MINDY3: variants seen among roughly 807,000 people sequenced by gnomAD.
MINDY3 encodes the protein ubiquitin carboxyl-terminal hydrolase MINDY-3.
A neutral mutation model predicts 69.2 loss-of-function variants in MINDY3; 38 were observed. The observed-to-expected ratio is 0.55, with a 90% confidence interval of 0.42 to 0.72. The LOEUF (loss-of-function observed/expected upper bound fraction) is 0.72, where lower values mean the gene tolerates loss of function less well. Ranked by LOEUF, MINDY3 falls within the 30% of genes least tolerant of loss-of-function variation. The pLI is 0.00. For missense variants in MINDY3, 522 were observed against 519.0 expected, an observed-to-expected ratio of 1.01 and a Z score of -0.06; for synonymous variants, 192 against 180.1, an observed-to-expected ratio of 1.07 and a Z score of -0.53.
At chr10:15,807,630 C>G (rs1838726950) in intron 10 of MINDY3, among the ~76,000 whole-genome samples, 1 of 151,986 alleles carries the variant, frequency 6.6e-6, no homozygotes, top group African/African-American at 2.4e-5. Flanking sequence ...TTAATTAAAA[C>G]TCATAGGCTT....
chr10:15,813,334 A>G (rs1367490017), intron 10 of MINDY3, among the ~76,000 whole-genome samples: 2 of 152,022 alleles, frequency 1.3e-5, no homozygotes, highest in African/African-American at 4.8e-5. Flanking sequence ...TCAGGCATGA[A>G]TTTGCTCTAT....
At chr10:15,844,914 T>G (rs753142442) in intron 2 of MINDY3, among the ~76,000 whole-genome samples, 8 of 152,192 alleles carry the variant, frequency 5.3e-5, no homozygotes, top group Non-Finnish European at 8.8e-5. Context: ...TCCTGATTAT[T>G]TGGCTGTAAA....
chr10:15,851,773 A>G (rs767274503), intron 1 of MINDY3, among the ~76,000 whole-genome samples: 2 of 152,146 alleles, frequency 1.3e-5, no homozygotes, highest in Non-Finnish European at 2.9e-5. Flanking sequence ...AGAAATGGAA[A>G]TCAGATTTTG....
intron 11 of MINDY3, among the ~76,000 whole-genome samples, chr10:15,792,272 T>C (rs1837477115): frequency 6.6e-6 from 1 of 152,026 alleles, no homozygotes. Context: ...GGGCAATGAG[T>C]TCTGGAGGGC....
chr10:15,816,990 T>G (rs1000987530), intron 9 of MINDY3, 75 bp from the exon 10 acceptor site: 1 of 1,107,546 alleles, frequency 9.0e-7, no homozygotes, highest in African/African-American at 1.6e-5. Flanking sequence ...CCCATAAATA[T>G]CTGAAGCATA....
chr10:15,854,416 G>C (rs759151670), intron 1 of MINDY3, among the ~76,000 whole-genome samples: 2 of 152,034 alleles, frequency 1.3e-5, no homozygotes, highest in African/African-American at 4.8e-5. Context: ...ACATTAAAGA[G>C]ATTAGCAAAA....
rs145311817 is a variant in MINDY3, at chr10:15,860,247, C to T, written c.53G>A (p.Ser18Asn). The change falls in exon 1 of 15, where the codon AGC becomes AAC. Residue 18 changes from serine to asparagine, a missense_variant. By Grantham distance (46) the Ser-to-Asn change is conservative. Transcript: ENST00000277632. ...GAAAATGGTGTCCGAGAGACCGGGG[C>T]TGCTCTTGGTGCCCCACACCAGCTC... is the stretch of plus-strand genomic sequence containing the variant. ...LMELVWGTKS[S>N]PGLSDTIFCR... is the part of the protein sequence containing the mutation. 3.7e-5 allele frequency: 60 copies of T among 1,610,976 alleles called. No individual in the cohort carries two copies. In the African/African-American group the frequency reaches 6.8e-4, roughly 18 times the overall value.
At chr10:15,851,775 C>T (rs1338181913) in intron 1 of MINDY3, among the ~76,000 whole-genome samples, 1 of 152,104 alleles carries the variant, frequency 6.6e-6, no homozygotes, top group Admixed American at 6.5e-5. Context: ...AAATGGAAAT[C>T]AGATTTTGAC....
In MINDY3 at chr10:15,833,616, A is replaced by G; in HGVS notation, c.730+14T>C. ...ATTCATCAAAGAGAGCAACATAACA[A>G]GGAATATACTTACTCATTCCTGAGC... is the stretch of plus-strand genomic sequence containing the variant. On this transcript the variant is annotated intron_variant, in intron 8 of 14. Transcript: ENST00000277632. 1 of 1,496,388 alleles carries G rather than the reference A, an allele frequency of 6.7e-7. No individual in the cohort carries two copies. The highest frequency in any genetic ancestry group is 1.1e-5 in the South Asian group (1 of 87,036). 92.7% of individuals were successfully genotyped at this position (1,496,388 alleles called of 1,614,324 possible). A position where few individuals can be genotyped will look rare whatever the true frequency, so the allele number is the denominator to read the frequency against.
chr10:15,809,140 C>T (rs1838830000), intron 10 of MINDY3, among the ~76,000 whole-genome samples: 1 of 151,986 alleles, frequency 6.6e-6, no homozygotes, highest in Admixed American at 6.6e-5. Context: ...ATTCTTAAAA[C>T]CCAAGTATAA....
rs532673718 is a variant in MINDY3, at chr10:15,857,996, C to T, written c.94+2210G>A. 10 of 943,916 alleles carry T rather than the reference C, an allele frequency of 1.1e-5. No homozygotes were observed. In the African/African-American group the frequency reaches 1.8e-4, roughly 17 times the overall value. The allele number at this position is 943,916 out of a possible 1,614,324, so 58.5% of individuals were successfully genotyped here. A position where few individuals can be genotyped will look rare whatever the true frequency, so the allele number is the denominator to read the frequency against. On this transcript the variant is annotated intron_variant, in intron 1 of 14. Transcript: ENST00000277632. ...TGAAATAAAGCCAGAGTTGATGTCA[C>T]ATTAGTAATGCAGCAAAGCAGTGTC...
chr10:15,782,099 C>A, intron 14 of MINDY3, 56 bp downstream of exon 14: 1 of 1,237,436 alleles, frequency 8.1e-7, no homozygotes, highest in South Asian at 1.2e-5. Context: ...GTTACATACT[C>A]ACATAATTAT....
intron 8 of MINDY3, among the ~76,000 whole-genome samples, chr10:15,832,457 TC>T (rs1019624889): frequency 4.6e-5 from 7 of 152,028 alleles, no homozygotes; most frequent in Admixed American, 4.6e-4. Flanking sequence ...ATTTTTTTTT[TC>T]ATTGACAGGA....
At chr10:15,816,439 A>T (rs1219421766) in intron 10 of MINDY3, among the ~76,000 whole-genome samples, 1 of 151,982 alleles carries the variant, frequency 6.6e-6, no homozygotes, top group African/African-American at 2.4e-5. Context: ...AGATTTTAAA[A>T]TTTTTTCAAA....
At chr10:15,821,602 C>T in intron 9 of MINDY3, 54 bp downstream of exon 9, 1 of 1,360,144 alleles carries the variant, frequency 7.4e-7, no homozygotes, top group Non-Finnish European at 1.0e-6. Context: ...ACAGTATCCA[C>T]AATAGTGGAC....
intron 10 of MINDY3, among the ~76,000 whole-genome samples, chr10:15,802,809 AT>A (rs1335304414): frequency 4.1e-4 from 62 of 152,186 alleles, no homozygotes; most frequent in African/African-American, 1.4e-3. Flanking sequence ...GTCTTGAACA[AT>A]AAAAAAAAAA....
intron 7 of MINDY3, 76 bp downstream of exon 7, chr10:15,834,467 C>T: frequency 1.0e-6 from 1 of 987,916 alleles, no homozygotes; most frequent in Non-Finnish European, 1.6e-6. Flanking sequence ...TTACTTGACT[C>T]AGTCATGTTT....
intron 13 of MINDY3, among the ~76,000 whole-genome samples, chr10:15,784,888 A>C (rs1836836779): frequency 6.6e-6 from 1 of 152,114 alleles, no homozygotes; most frequent in African/African-American, 2.4e-5. Flanking sequence ...CATGATCGGA[A>C]AAGATCTATG....
At chr10:15,831,449 A>G (rs1161954182) in intron 8 of MINDY3, among the ~76,000 whole-genome samples, 3 of 152,094 alleles carry the variant, frequency 2.0e-5, no homozygotes, top group Admixed American at 2.0e-4. Context: ...AATATACCCA[A>G]TTTTCTTTTC....
Sources: allele counts gnomAD v4.1 joint callset (sites outside exome capture counted in the v4.1 genomes callset), GRCh38; gene constraint gnomAD v4.1.1; transcripts MANE v1.5; gene names NCBI Gene and HGNC (gene_info 2026-07-23, HGNC 2026-07-21).